The following DBX2 variants were observed in gnomAD, a reference collection of about 807,000 sequenced individuals.
DBX2 encodes the protein homeobox protein DBX2.
In DBX2, 16 loss-of-function variants were observed where a neutral mutation model predicts 17.7. That is an observed-to-expected ratio of 0.90 (90% confidence interval 0.61 to 1.37). DBX2 has a LOEUF of 1.37. DBX2 is among the 40% of genes most tolerant of loss of function. The probability of loss-of-function intolerance (pLI) is 0.00; values close to 1 mark genes in which losing one functional copy is unlikely to be tolerated. For missense variants in DBX2, 538 were observed against 433.8 expected (o/e 1.24, Z -2.13); for synonymous variants, 255 against 183.8 (o/e 1.39, Z -3.13).
intron 1 of DBX2, among the ~76,000 whole-genome samples, chr12:45,037,830 C>T (rs207472906): frequency 1.3e-5 from 2 of 151,856 alleles, no homozygotes; most frequent in Non-Finnish European, 2.9e-5. Context: ...TCCTAGCACA[C>T]AATGGGAAGT....
chr12:45,036,304 G>T (rs996698449), intron 1 of DBX2, among the ~76,000 whole-genome samples, 190 bp from the exon 2 acceptor site: 8 of 152,134 alleles, frequency 5.3e-5, no homozygotes, highest in Admixed American at 1.3e-4. Flanking sequence ...TTTGAGAGGG[G>T]TAGTGAAAAG....
intron 3 of DBX2, among the ~76,000 whole-genome samples, chr12:45,020,638 T>C (rs1946346503): frequency 1.4e-5 from 2 of 147,448 alleles, no homozygotes; most frequent in South Asian, 4.3e-4. Flanking sequence ...ACATGCACAA[T>C]ATGATTAGAT....
At chr12:45,041,825 T>C (rs1481289956) in intron 1 of DBX2, among the ~76,000 whole-genome samples, 1 of 152,214 alleles carries the variant, frequency 6.6e-6, no homozygotes, top group African/African-American at 2.4e-5. Context: ...TGGAATAATT[T>C]ATATTTTTTA....
chr12:45,046,105 C>A (rs1238309454), intron 1 of DBX2, among the ~76,000 whole-genome samples: 4 of 152,086 alleles, frequency 2.6e-5, no homozygotes, highest in African/African-American at 9.7e-5. Flanking sequence ...TGTGTTGGGG[C>A]AAAGGAGAGA....
At chr12:45,039,498 T>C (rs1946459764) in intron 1 of DBX2, among the ~76,000 whole-genome samples, 1 of 151,588 alleles carries the variant, frequency 6.6e-6, no homozygotes, top group South Asian at 2.1e-4. Flanking sequence ...CTAGATAAAA[T>C]GCATTTCAAA....
chr12:45,050,744 G>A lies in DBX2; in HGVS notation c.184C>T (p.Pro62Ser). 2 of 1,497,032 alleles carry A rather than the reference G, an allele frequency of 1.3e-6. No homozygotes were observed. Among genetic ancestry groups the A allele is most frequent in the Non-Finnish European group, 1.8e-6 (2 of 1,125,148 alleles). The allele number at this position is 1,497,032 out of a possible 1,614,324, so 92.7% of individuals were successfully genotyped here. The change falls in exon 1 of 4, where the codon CCG becomes TCG. Residue 62 changes from proline to serine, a missense_variant. Physicochemically the swap from Pro to Ser is moderately conservative, Grantham distance 74 (BLOSUM62 -1). Coordinates refer to ENST00000332700, the MANE Select transcript of DBX2 (RefSeq NM_001004329.3). Reference protein sequence around the residue: ...PRLQPPAPHDPATALATAGAQ... With the variant: ...PRLQPPAPHDSATALATAGAQ... ...CCCGCGGTGGCCAGGGCGGTCGCCG[G>A]GTCGTGGGGCGCGGGCGGCTGCAGC...
chr12:45,035,115 C>T (rs1054559449), intron 2 of DBX2, among the ~76,000 whole-genome samples: 24 of 152,248 alleles, frequency 1.6e-4, no homozygotes, highest in African/African-American at 5.5e-4. Flanking sequence ...CGAGCAACTG[C>T]TTTCCTGAAC....
chr12:45,025,804 G>C (rs74734491), intron 2 of DBX2, among the ~76,000 whole-genome samples: 194 of 55,454 alleles, frequency 3.5e-3, no homozygotes, highest in African/African-American at 0.013. Flanking sequence ...AGGAGGAAAT[G>C]ATGAGTTCGG....
At chr12:45,022,946 T>A (rs542669680) in intron 3 of DBX2, among the ~76,000 whole-genome samples, 46 of 152,336 alleles carry the variant, frequency 3.0e-4, no homozygotes, top group African/African-American at 1.1e-3. Flanking sequence ...CTACATGATA[T>A]AGGACCTACG....
chr12:45,041,050 A>C (rs911918470), intron 1 of DBX2, among the ~76,000 whole-genome samples: 40 of 144,068 alleles, frequency 2.8e-4, no homozygotes, highest in African/African-American at 9.8e-4. Context: ...TGGGGGGAAG[A>C]AAAAAAAAAA....
chr12:45,021,586 C>T (rs953801781), intron 3 of DBX2, among the ~76,000 whole-genome samples: 13 of 152,182 alleles, frequency 8.5e-5, no homozygotes, highest in African/African-American at 3.1e-4. Context: ...CCTAAACCTG[C>T]CTGTTTTCTC....
At chr12:45,020,675 G>GTATATATATA (rs10649840) in intron 3 of DBX2, among the ~76,000 whole-genome samples, 33 of 146,010 alleles carry the variant, frequency 2.3e-4, no homozygotes, top group African/African-American at 7.1e-4. Context: ...GTATATATAT[G>GTATATATATA]TATATATATA....
chr12:45,021,150 T>C (rs1426042049), intron 3 of DBX2, among the ~76,000 whole-genome samples: 1 of 152,198 alleles, frequency 6.6e-6, no homozygotes, highest in Non-Finnish European at 1.5e-5. Flanking sequence ...ATAATTGATA[T>C]AATTGTGTAA....
chr12:45,029,759 A>G (rs1045808308), intron 2 of DBX2, among the ~76,000 whole-genome samples: 4 of 151,982 alleles, frequency 2.6e-5, no homozygotes, highest in Non-Finnish European at 5.9e-5. Flanking sequence ...GCTACTCAGG[A>G]GGCTGAAGCA....
At position 45,023,903 on chromosome 12, in the gene DBX2, G is replaced by A. The variant is rs367936956; in HGVS notation, c.500-9C>T. The A allele has an allele frequency of 1.0e-4, 155 of 1,534,922 alleles. No homozygotes were observed. Among genetic ancestry groups the A allele is most frequent in the Middle Eastern group, 3.5e-4 (2 of 5,660 alleles). ...CAGCATGCTCTCTTCTCCTAGAGTC[G>A]AGGGAAAAAGATACAAAAGCCCAGT... On this transcript the variant is annotated splice_polypyrimidine_tract_variant and intron_variant, in intron 2 of 3. Coordinates refer to ENST00000332700, the MANE Select transcript of DBX2 (RefSeq NM_001004329.3).
At chr12:45,049,341 G>A (rs889363791) in intron 1 of DBX2, among the ~76,000 whole-genome samples, 1 of 152,128 alleles carries the variant, frequency 6.6e-6, no homozygotes, top group Non-Finnish European at 1.5e-5. Flanking sequence ...AGAACAGAGA[G>A]GCCCAAATTT....
At chr12:45,044,417 G>T (rs1946488221) in intron 1 of DBX2, among the ~76,000 whole-genome samples, 1 of 151,982 alleles carries the variant, frequency 6.6e-6, no homozygotes, top group Admixed American at 6.6e-5. Flanking sequence ...AAATAATAGA[G>T]ACTTAAGGTT....
rs149527014 is a variant in DBX2, at chr12:45,036,051, C to A, written c.467G>T (p.Cys156Phe). Residue 156 changes from cysteine (C) to phenylalanine (F), a missense_variant, in exon 2 of 4, where the codon TGT becomes TTT. Physicochemically the swap from Cys to Phe is radical, Grantham distance 205. Coordinates refer to ENST00000332700, the MANE Select transcript of DBX2 (RefSeq NM_001004329.3). Reference sequence around the variant, plus strand: ...AGCAGTGGAGGATGCAGGGCGCCGACAGGACCCACCGCAGCACGCCGAGTA... The same window carrying A: ...AGCAGTGGAGGATGCAGGGCGCCGAAAGGACCCACCGCAGCACGCCGAGTA... ...PFYSACCGGSCRRPASSTAFP... is the reference protein window; with the variant it reads ...PFYSACCGGSFRRPASSTAFP... 3.1e-6 allele frequency: 5 copies of A among 1,613,718 alleles called. No homozygotes were observed. The South Asian group carries it at 3.3e-5, about 11-fold the overall frequency.
intron 3 of DBX2, among the ~76,000 whole-genome samples, chr12:45,018,692 C>T (rs966470500): frequency 6.6e-6 from 1 of 151,884 alleles, no homozygotes; most frequent in Admixed American, 6.6e-5. Context: ...ATTTGTACAC[C>T]CATATTCGCA....
Sources: allele counts gnomAD v4.1 joint callset (sites outside exome capture counted in the v4.1 genomes callset), GRCh38; gene constraint gnomAD v4.1.1; transcripts MANE v1.5; gene names NCBI Gene and HGNC (gene_info 2026-07-23, HGNC 2026-07-21).